LMBR1: variants seen among roughly 807,000 people sequenced by gnomAD.
The protein encoded by LMBR1 is limb region 1 protein homolog.
Under a neutral mutation model 73.9 loss-of-function variants are expected in LMBR1, and 52 were observed. The observed-to-expected ratio is 0.70, with a 90% CI of 0.56 to 0.89. The LOEUF (loss-of-function observed/expected upper bound fraction) is 0.89. Among genes scored for constraint, LMBR1 ranks in the 40% least tolerant of loss-of-function variants. The pLI is 0.00. For synonymous variants in LMBR1, 215 were observed against 209.4 expected (o/e 1.03, Z -0.23); for missense variants, 539 against 579.8 (o/e 0.93, Z 0.72).
intron 15 of LMBR1, among the ~76,000 whole-genome samples, chr7:156,699,608 G>C (rs1443645644): frequency 1.3e-5 from 2 of 151,966 alleles, no homozygotes; most frequent in Non-Finnish European, 2.9e-5. Context: ...CACCATCAGA[G>C]TGAACAGGCA....
At chr7:156,748,012 T>C (rs1288667608) in intron 9 of LMBR1, 1 of 152,206 alleles carries the variant, frequency 6.6e-6, no homozygotes, top group African/African-American at 2.4e-5. Context: ...AATGTATCTA[T>C]TTCAGCATGA....
chr7:156,762,281 A>G, intron 7 of LMBR1, 83 bp from the exon 8 acceptor site: 1 of 831,392 alleles, frequency 1.2e-6, no homozygotes, highest in Non-Finnish European at 2.0e-6. Context: ...TGTAAAAATA[A>G]GGGAAATTCA....
chr7:156,712,135 C>A (rs1812192258), intron 15 of LMBR1, among the ~76,000 whole-genome samples: 1 of 152,010 alleles, frequency 6.6e-6, no homozygotes, highest in Non-Finnish European at 1.5e-5. Flanking sequence ...ACAAGGAATG[C>A]AAACAACTCA....
downstream of LMBR1, among the ~76,000 whole-genome samples, chr7:156,673,880 C>T (rs913303930): frequency 2.7e-5 from 4 of 148,978 alleles, no homozygotes; most frequent in African/African-American, 7.6e-5. Flanking sequence ...ATACACACTA[C>T]GTTCTGCCAG....
intron 15 of LMBR1, among the ~76,000 whole-genome samples, chr7:156,691,590 TAAGA>T (rs1303373389): frequency 1.3e-5 from 2 of 152,148 alleles, no homozygotes; most frequent in African/African-American, 4.8e-5. Context: ...AAAAAGTAGT[TAAGA>T]GAGAGTTTAT....
Position 156,734,172 on chromosome 7 carries a change from A to T in LMBR1, c.838+5T>A. 1 of 1,579,788 alleles carries T rather than the reference A, an allele frequency of 6.3e-7. No homozygotes were observed. The highest frequency in any genetic ancestry group is 8.6e-7 in the Non-Finnish European group (1 of 1,159,050). ...ACACAAGTCAAGAAAAAAAAAGTAC[A>T]ATACCTAATTTTGTCTTAAGAGTCT... On this transcript the variant is annotated splice_donor_5th_base_variant and intron_variant, in intron 10 of 16. Coordinates refer to ENST00000353442, the MANE Select transcript of LMBR1 (RefSeq NM_022458.4).
At chr7:156,875,595 A>T (rs1800039309) in intron 1 of LMBR1, among the ~76,000 whole-genome samples, 1 of 152,098 alleles carries the variant, frequency 6.6e-6, no homozygotes, top group African/African-American at 2.4e-5. Flanking sequence ...TACAAAGAAA[A>T]ACCAGAGTAA....
chr7:156,865,837 G>C (rs1563569780), intron 1 of LMBR1, among the ~76,000 whole-genome samples: 1 of 152,106 alleles, frequency 6.6e-6, no homozygotes, highest in Non-Finnish European at 1.5e-5. Context: ...GGGTATGGGG[G>C]AAATAGCCTT....
At chr7:156,854,923 A>C (rs1204291203) in intron 1 of LMBR1, among the ~76,000 whole-genome samples, 1 of 152,252 alleles carries the variant, frequency 6.6e-6, no homozygotes, top group Non-Finnish European at 1.5e-5. Context: ...ACCTGTAGCT[A>C]CTTCAAACAG....
chr7:156,882,578 C>T (rs973275151), intron 1 of LMBR1, among the ~76,000 whole-genome samples: 2 of 152,150 alleles, frequency 1.3e-5, no homozygotes, highest in African/African-American at 2.4e-5. Flanking sequence ...AATTCACAGA[C>T]TCAAAGAGTG....
intron 9 of LMBR1, among the ~76,000 whole-genome samples, chr7:156,741,610 T>G (rs986523349): frequency 6.6e-6 from 1 of 152,022 alleles, no homozygotes; most frequent in African/African-American, 2.4e-5. Flanking sequence ...GTATAACAAT[T>G]GTAAAGATAT....
chr7:156,845,413 T>C (rs1839425433), intron 1 of LMBR1, among the ~76,000 whole-genome samples: 1 of 151,034 alleles, frequency 6.6e-6, no homozygotes, highest in South Asian at 2.1e-4. Flanking sequence ...ACAAGAAAAA[T>C]AAAATAGAAA....
chr7:156,746,755 A>C (rs1819927243), intron 9 of LMBR1, among the ~76,000 whole-genome samples: 1 of 152,194 alleles, frequency 6.6e-6, no homozygotes, highest in African/African-American at 2.4e-5. Context: ...TAAATATTTC[A>C]TTATAAATGA....
intron 15 of LMBR1, among the ~76,000 whole-genome samples, chr7:156,723,003 C>T (rs1273451007): frequency 6.6e-6 from 1 of 152,026 alleles, no homozygotes. Flanking sequence ...AATCAGGTTG[C>T]TAAAGAGCAT....
At chr7:156,846,025 G>C (rs1255058811) in intron 1 of LMBR1, among the ~76,000 whole-genome samples, 3 of 151,696 alleles carry the variant, frequency 2.0e-5, no homozygotes, top group Non-Finnish European at 2.9e-5. Context: ...CTACTCAAGA[G>C]GCTGAGGCAG....
chr7:156,718,427 A>G (rs1035160350), intron 15 of LMBR1, among the ~76,000 whole-genome samples: 1 of 151,782 alleles, frequency 6.6e-6, no homozygotes, highest in Non-Finnish European at 1.5e-5. Flanking sequence ...AAAAGAAAAA[A>G]AAAAATACTC....
At chr7:156,887,086 G>A (rs996124738) in intron 1 of LMBR1, among the ~76,000 whole-genome samples, 4 of 152,186 alleles carry the variant, frequency 2.6e-5, no homozygotes, top group African/African-American at 9.6e-5. Context: ...AATAGCCAAA[G>A]TCAAATATGA....
downstream of LMBR1, chr7:156,676,552 C>A (rs1031073767): frequency 6.2e-7 from 1 of 1,614,142 alleles, no homozygotes; most frequent in Admixed American, 1.7e-5. Flanking sequence ...TTCCACCATG[C>A]GTGTCTGCTG....
chr7:156,861,873 A>G (rs1403761857), intron 1 of LMBR1, among the ~76,000 whole-genome samples: 1 of 152,158 alleles, frequency 6.6e-6, no homozygotes, highest in Non-Finnish European at 1.5e-5. Flanking sequence ...CCTGGATTCC[A>G]CTGTCCATAT....
Sources: gnomAD v4.1 joint callset for allele counts (sites outside exome capture counted in the v4.1 genomes callset) on GRCh38, gnomAD v4.1.1 for gene constraint, MANE v1.5 for transcripts, NCBI Gene and HGNC (gene_info 2026-07-23, HGNC 2026-07-21) for gene names.